The following TSPAN18 variants were observed in gnomAD, a reference collection of about 807,000 sequenced individuals.
TSPAN18 encodes tetraspanin 18.
A neutral mutation model predicts 27.3 loss-of-function variants in TSPAN18; 14 were observed. That is an observed-to-expected ratio of 0.51 (90% confidence interval 0.34 to 0.80). TSPAN18 has a LOEUF of 0.80. Among genes scored for constraint, TSPAN18 ranks in the 30% least tolerant of loss-of-function variants. TSPAN18 has a pLI of 0.01. For missense variants in TSPAN18, 268 were observed against 323.9 expected (o/e 0.83, Z 1.32); for synonymous variants, 143 against 136.5 (o/e 1.05, Z -0.33).
At chr11:44,924,217 G>A (rs931604743) in intron 8 of TSPAN18, among the ~76,000 whole-genome samples, 4 of 151,682 alleles carry the variant, frequency 2.6e-5, no homozygotes, top group East Asian at 1.9e-4. Flanking sequence ...AGAGACGGAC[G>A]GTAATCCTTG....
chr11:44,753,218 T>C (rs1855252974), intron 1 of TSPAN18, among the ~76,000 whole-genome samples: 1 of 152,118 alleles, frequency 6.6e-6, no homozygotes, highest in Non-Finnish European at 1.5e-5. Flanking sequence ...AACCTCCGAC[T>C]CCCTGGTTCA....
chr11:44,827,852 G>A (rs1857076583), intron 2 of TSPAN18, among the ~76,000 whole-genome samples: 1 of 152,188 alleles, frequency 6.6e-6, no homozygotes, highest in Admixed American at 6.5e-5. Flanking sequence ...TGGGAAGCAG[G>A]GATGGCTGGG....
At chr11:44,809,030 T>C (rs1453476670) in intron 2 of TSPAN18, among the ~76,000 whole-genome samples, 1 of 152,172 alleles carries the variant, frequency 6.6e-6, no homozygotes, top group Non-Finnish European at 1.5e-5. Flanking sequence ...TTCTAAACAC[T>C]TCTCATGTCC....
intron 3 of TSPAN18, among the ~76,000 whole-genome samples, chr11:44,897,493 C>CAAGTCTATTA (rs1653925884): frequency 6.6e-6 from 1 of 152,216 alleles, no homozygotes; most frequent in African/African-American, 2.4e-5. Context: ...CTAGAATCTG[C>CAAGTCTATTA]AAGTCTATTA....
intron 2 of TSPAN18, among the ~76,000 whole-genome samples, chr11:44,806,324 C>T (rs1294671533): frequency 2.0e-5 from 3 of 152,138 alleles, no homozygotes; most frequent in Admixed American, 6.5e-5. Flanking sequence ...CATGAGCCAC[C>T]GCGCCTGGCC....
chr11:44,878,210 A>C (rs903009298), intron 3 of TSPAN18, among the ~76,000 whole-genome samples: 1 of 152,088 alleles, frequency 6.6e-6, no homozygotes, highest in Admixed American at 6.5e-5. Context: ...TGTGTTAACA[A>C]ACCATTACGT....
At chr11:44,792,953 A>C (rs1449876470) in intron 2 of TSPAN18, among the ~76,000 whole-genome samples, 1 of 152,024 alleles carries the variant, frequency 6.6e-6, no homozygotes, top group Non-Finnish European at 1.5e-5. Flanking sequence ...GTCTCGTGTG[A>C]CTCAAAGTCA....
chr11:44,781,200 C>T (rs1207909868), intron 2 of TSPAN18, among the ~76,000 whole-genome samples: 1 of 152,188 alleles, frequency 6.6e-6, no homozygotes, highest in Non-Finnish European at 1.5e-5. Context: ...TTGGTGAAGG[C>T]TGGGAAAATC....
intron 1 of TSPAN18, among the ~76,000 whole-genome samples, chr11:44,747,551 T>C (rs956568732): frequency 1.3e-5 from 2 of 152,172 alleles, no homozygotes; most frequent in African/African-American, 4.8e-5. Context: ...TACGACTGGT[T>C]ATGAGGCAGC....
intron 3 of TSPAN18, among the ~76,000 whole-genome samples, chr11:44,889,554 G>T (rs1430405692): frequency 1.3e-5 from 2 of 152,218 alleles, no homozygotes; most frequent in African/African-American, 4.8e-5. Flanking sequence ...ATCCAGTTTG[G>T]GCTGCCTAGA....
chr11:44,857,175 C>T (rs1347015547), intron 2 of TSPAN18, among the ~76,000 whole-genome samples: 2 of 152,194 alleles, frequency 1.3e-5, no homozygotes, highest in Non-Finnish European at 2.9e-5. Flanking sequence ...TCAGTCAAGT[C>T]TCCCTGGGGA....
At chr11:44,858,176 A>C (rs1174661789) in intron 2 of TSPAN18, among the ~76,000 whole-genome samples, 2 of 152,112 alleles carry the variant, frequency 1.3e-5, no homozygotes, top group East Asian at 3.9e-4. Flanking sequence ...ATTTCTACTC[A>C]GCTCCCACAG....
chr11:44,926,876 ACTGTG>A, intron 9 of TSPAN18, 119 bp downstream of exon 9: 1 of 1,046,068 alleles, frequency 9.6e-7, no homozygotes. Context: ...AGGGGCCCCC[ACTGTG>A]GGTGCTATGG....
intron 2 of TSPAN18, among the ~76,000 whole-genome samples, chr11:44,805,104 CG>C (rs1336428566): frequency 2.6e-5 from 4 of 152,170 alleles, no homozygotes; most frequent in Non-Finnish European, 5.9e-5. Flanking sequence ...CAACCATGGG[CG>C]GGAGCAGCCG....
intron 2 of TSPAN18, among the ~76,000 whole-genome samples, chr11:44,843,806 C>T (rs991385222): frequency 6.6e-6 from 1 of 152,234 alleles, no homozygotes; most frequent in African/African-American, 2.4e-5. Context: ...TTCTGCCCAG[C>T]TCACCAGCAG....
intron 1 of TSPAN18, among the ~76,000 whole-genome samples, chr11:44,734,185 A>G (rs4755882): frequency 0.95 from 144,467 of 152,224 alleles, 68,812 homozygotes; most frequent in Non-Finnish European, 1. Context: ...AGAAGCACAT[A>G]CTGGCACCAT....
At chr11:44,768,182 C>T (rs1210509779) in intron 2 of TSPAN18, among the ~76,000 whole-genome samples, 1 of 152,148 alleles carries the variant, frequency 6.6e-6, no homozygotes, top group East Asian at 1.9e-4. Context: ...ATCTGTATAT[C>T]AAGTTGGGAA....
intron 5 of TSPAN18, among the ~76,000 whole-genome samples, chr11:44,914,423 T>G (rs1859830413): frequency 6.6e-6 from 1 of 152,216 alleles, no homozygotes; most frequent in African/African-American, 2.4e-5. Flanking sequence ...ATAATCATAC[T>G]TCCTTCCCAG....
chr11:44,884,059 G>A (rs1485141702), intron 3 of TSPAN18, among the ~76,000 whole-genome samples: 1 of 152,096 alleles, frequency 6.6e-6, no homozygotes, highest in South Asian at 2.1e-4. Flanking sequence ...CACAGGAGAC[G>A]ACTGGCTCAT....
Sources: gnomAD v4.1 joint callset for allele counts (sites outside exome capture counted in the v4.1 genomes callset) on GRCh38, gnomAD v4.1.1 for gene constraint, MANE v1.5 for transcripts, NCBI Gene and HGNC (gene_info 2026-07-23, HGNC 2026-07-21) for gene names.